Variants in SIAH3 observed in about 807,000 individuals in gnomAD.
SIAH3 encodes seven in absentia homolog 3.
Under a neutral mutation model 12.6 loss-of-function variants are expected in SIAH3, and 9 were observed. That is an observed-to-expected ratio of 0.72 (90% confidence interval 0.43 to 1.25). The LOEUF (loss-of-function observed/expected upper bound fraction) is 1.25, where lower values mean the gene tolerates loss of function less well. Ranked by LOEUF, SIAH3 falls within the 50% of genes most tolerant of loss-of-function variation. SIAH3 has a pLI of 0.00. For missense variants in SIAH3, 390 were observed against 365.4 expected (o/e 1.07, Z -0.55); for synonymous variants, 154 against 151.1 (o/e 1.02, Z -0.14).
At chr13:45,851,474 T>C in intron 1 of SIAH3, 21 bp downstream of exon 1, 1 of 1,612,922 alleles carries the variant, frequency 6.2e-7, no homozygotes, top group South Asian at 1.1e-5. Flanking sequence ...CCGGTGAAGG[T>C]AAAATGACAC....
intron 1 of SIAH3, among the ~76,000 whole-genome samples, chr13:45,795,390 C>T (rs755912825): frequency 4.6e-5 from 7 of 152,230 alleles, no homozygotes; most frequent in Non-Finnish European, 7.3e-5. Flanking sequence ...ACCTGCTAAT[C>T]TGTGACACCA....
intron 1 of SIAH3, among the ~76,000 whole-genome samples, chr13:45,846,084 CT>C (rs386379026): frequency 1.3e-3 from 115 of 85,690 alleles, no homozygotes; most frequent in South Asian, 6.5e-3. Flanking sequence ...GACCTAACTT[CT>C]TTTTTTTTTT....
chr13:45,817,835 T>A (rs934597716), intron 1 of SIAH3, among the ~76,000 whole-genome samples: 17 of 152,206 alleles, frequency 1.1e-4, no homozygotes, highest in Admixed American at 3.9e-4. Flanking sequence ...ATTCTAGAGA[T>A]GAAAATCTGG....
chr13:45,826,381 A>ATGGGTGAGTGGCTGGG (rs1566094832), intron 1 of SIAH3, among the ~76,000 whole-genome samples: 1 of 10,206 alleles, frequency 9.8e-5, no homozygotes, highest in Non-Finnish European at 2.0e-4. Context: ...GGATGAATGA[A>ATGGGTGAGTGGCTGGG]TGGATGGATG....
chr13:45,793,562 C>T (rs1950553104), intron 1 of SIAH3, among the ~76,000 whole-genome samples: 1 of 152,154 alleles, frequency 6.6e-6, no homozygotes, highest in Admixed American at 6.5e-5. Context: ...ATTTCTTCCC[C>T]ACTGTATCCG....
At chr13:45,829,180 A>G (rs558057789) in intron 1 of SIAH3, among the ~76,000 whole-genome samples, 24 of 152,240 alleles carry the variant, frequency 1.6e-4, no homozygotes, top group Non-Finnish European at 1.8e-4. Flanking sequence ...GCTCAAGGGC[A>G]TAGAGCTAGC....
chr13:45,821,760 A>G (rs1468706254), intron 1 of SIAH3, among the ~76,000 whole-genome samples: 4 of 152,208 alleles, frequency 2.6e-5, no homozygotes, highest in African/African-American at 4.8e-5. Flanking sequence ...TGGGTTGAAA[A>G]TCAATGAGAG....
In SIAH3 at chr13:45,797,221, T is replaced by C. The variant is rs372841472; in HGVS notation, c.136-13164A>G. On this transcript the variant is annotated intron_variant, in intron 1 of 1. Coordinates refer to ENST00000400405, the MANE Select transcript of SIAH3 (RefSeq NM_198849.3). Reference sequence around the variant, plus strand: ...TCCTATTTTGTTCATATTTCCCCCATTGGAAGGTGCTCACTTTCTACAAGA... The same window carrying C: ...TCCTATTTTGTTCATATTTCCCCCACTGGAAGGTGCTCACTTTCTACAAGA... Among the ~76,000 whole-genome samples the C allele has an allele frequency of 6.6e-5, 10 of 152,062 alleles. 1 individual carries two copies. Among genetic ancestry groups the C allele is most frequent in the African/African-American group, 1.9e-4 (8 of 41,490 alleles).
chr13:45,839,742 G>A (rs1434837655), intron 1 of SIAH3, among the ~76,000 whole-genome samples: 1 of 152,352 alleles, frequency 6.6e-6, no homozygotes, highest in South Asian at 2.1e-4. Flanking sequence ...TGAGGCAGGA[G>A]AATCGGTTGA....
chr13:45,831,873 C>T (rs1950700563), intron 1 of SIAH3, among the ~76,000 whole-genome samples: 1 of 152,348 alleles, frequency 6.6e-6, no homozygotes, highest in South Asian at 2.1e-4. Flanking sequence ...GAGTCAGACA[C>T]CATTCAGATA....
In SIAH3 at chr13:45,810,771, T is replaced by G. The variant is rs958593693; in HGVS notation, c.136-26714A>C. Among the ~76,000 whole-genome samples the G allele has an allele frequency of 8.5e-5, 13 of 152,178 alleles. 1 individual carries two copies. Among genetic ancestry groups the G allele is most frequent in the African/African-American group, 2.7e-4 (11 of 41,444 alleles). Reference sequence around the variant, plus strand: ...GGTCAGTTATGGATGGCTCTAGAGATAGGAAGAGGCAAACATCCCCTGCTT... The same window carrying G: ...GGTCAGTTATGGATGGCTCTAGAGAGAGGAAGAGGCAAACATCCCCTGCTT... On this transcript the variant is annotated intron_variant, in intron 1 of 1. Transcript: ENST00000400405.
chr13:45,810,397 C>T (rs1460920720), intron 1 of SIAH3, among the ~76,000 whole-genome samples: 2 of 152,206 alleles, frequency 1.3e-5, no homozygotes, highest in African/African-American at 4.8e-5. Flanking sequence ...ATAGTGCTGC[C>T]GCAAACCACT....
intron 1 of SIAH3, among the ~76,000 whole-genome samples, chr13:45,815,141 G>T (rs941865116): frequency 2.0e-5 from 3 of 151,410 alleles, no homozygotes; most frequent in Non-Finnish European, 2.9e-5. Flanking sequence ...CTAGAGAGGG[G>T]CATTTCATCT....
intron 1 of SIAH3, among the ~76,000 whole-genome samples, chr13:45,824,441 G>A (rs888221958): frequency 6.6e-6 from 1 of 152,144 alleles, no homozygotes; most frequent in Non-Finnish European, 1.5e-5. Context: ...AGTGGTCTGG[G>A]GTAGCCTCCA....
intron 1 of SIAH3, among the ~76,000 whole-genome samples, chr13:45,816,118 C>G (rs1164354172): frequency 6.6e-6 from 1 of 152,230 alleles, no homozygotes; most frequent in Non-Finnish European, 1.5e-5. Flanking sequence ...GCCCAGGCAG[C>G]TGGCCTGGGC....
At chr13:45,832,891 C>G (rs1950704678) in intron 1 of SIAH3, among the ~76,000 whole-genome samples, 5 of 152,242 alleles carry the variant, frequency 3.3e-5, no homozygotes, top group Admixed American at 2.6e-4. Context: ...AATCCTCTCT[C>G]AGAACATGCT....
At chr13:45,786,848 C>T (rs1164067967) in intron 1 of SIAH3, among the ~76,000 whole-genome samples, 3 of 152,176 alleles carry the variant, frequency 2.0e-5, no homozygotes, top group Non-Finnish European at 4.4e-5. Context: ...CCAGTGCTGA[C>T]CTGTGAGGAC....
chr13:45,815,521 CTT>C (rs546451515), intron 1 of SIAH3, among the ~76,000 whole-genome samples: 77 of 152,322 alleles, frequency 5.1e-4, no homozygotes, highest in Non-Finnish European at 9.7e-4. Flanking sequence ...AAATCTCTCT[CTT>C]TATATACATG....
intron 1 of SIAH3, among the ~76,000 whole-genome samples, chr13:45,846,519 G>A (rs769665255): frequency 1.3e-5 from 2 of 152,174 alleles, no homozygotes; most frequent in Non-Finnish European, 2.9e-5. Context: ...CTAGTTGGGT[G>A]AAGATGACTT....
Sources: gnomAD v4.1 joint callset for allele counts (sites outside exome capture counted in the v4.1 genomes callset) on GRCh38, gnomAD v4.1.1 for gene constraint, MANE v1.5 for transcripts, NCBI Gene and HGNC (gene_info 2026-07-23, HGNC 2026-07-21) for gene names.